Variants in MMP14 observed in about 807,000 individuals in gnomAD.
MMP14 encodes matrix metalloproteinase-14.
Under a neutral mutation model 64.8 loss-of-function variants are expected in MMP14, and 13 were observed. The ratio of observed to expected loss-of-function variants is 0.20; its 90% confidence interval spans 0.13 to 0.32. The LOEUF (loss-of-function observed/expected upper bound fraction) is 0.32. MMP14 is among the 10% of genes least tolerant of loss of function. MMP14 has a pLI of 1.00. For missense variants in MMP14, 594 were observed against 783.8 expected (o/e 0.76, Z 2.89); for synonymous variants, 322 against 315.9 (o/e 1.02, Z -0.20).
chr14:22,842,333 G>A lies in MMP14; in HGVS notation c.381-77G>A. 8.0e-6 allele frequency: 12 copies of A among 1,507,226 alleles called. No homozygotes were observed. Among genetic ancestry groups the A allele is most frequent in the South Asian group, 1.3e-5 (1 of 79,106 alleles). The allele number at this position is 1,507,226 out of a possible 1,614,324, so 93.4% of individuals were successfully genotyped here. On this transcript the variant is annotated intron_variant, in intron 3 of 9. Transcript: ENST00000311852. The surrounding 1 kb of genome is among the most constrained non-coding windows in gnomAD (Gnocchi z 5.3). Reference sequence around the variant, plus strand: ...GGCTGGGCCGCGCAGTCAGACCTGGGAGAGTGCAGGGAAGGAGAATGTTGC... The same window carrying A: ...GGCTGGGCCGCGCAGTCAGACCTGGAAGAGTGCAGGGAAGGAGAATGTTGC...
Position 22,843,189 on chromosome 14 carries a change from T to C in MMP14, c.689-68T>C, listed in dbSNP as rs188899315. On this transcript the variant is annotated intron_variant, in intron 4 of 9. Coordinates refer to ENST00000311852, the MANE Select transcript of MMP14 (RefSeq NM_004995.4). This position sits in a 1 kb window ranked among gnomAD's most constrained non-coding sequence, Gnocchi z 4.8. ...GGCTTGGAGGTGAAACCAAAGCTGCTGGTGGGGAAGCAGGGAGGCTGAGGG... is the reference window on the plus strand; with the variant it reads ...GGCTTGGAGGTGAAACCAAAGCTGCCGGTGGGGAAGCAGGGAGGCTGAGGG... The C allele has an allele frequency of 2.6e-6, 4 of 1,541,166 alleles. No homozygotes were observed. Among genetic ancestry groups the C allele is most frequent in the African/African-American group, 1.4e-5 (1 of 73,146 alleles).
chr14:22,837,157 T>C (rs1377038590), intron 1 of MMP14: 2 of 673,002 alleles, frequency 3.0e-6, no homozygotes, highest in East Asian at 5.7e-5. Flanking sequence ...CCGACTCTCC[T>C]TCCCATTCCT....
Position 22,844,682 on chromosome 14 carries a change from G to A in MMP14, c.1203G>A (p.Lys401=), listed in dbSNP as rs2039799353. The A allele has an allele frequency of 6.2e-7, 1 of 1,614,126 alleles. No homozygotes were observed. Among genetic ancestry groups the A allele is most frequent in the African/African-American group, 1.3e-5 (1 of 75,020 alleles). The change falls in exon 8 of 10, where the codon AAG becomes AAA. Residue 401 remains lysine (K), a synonymous_variant. Transcript: ENST00000311852. The part of the protein sequence containing the change: ...DEASLEPGYP[K]HIKELGRGLP... ...CGTCCCTGGAACCTGGCTACCCCAAGCACATTAAGGAGCTGGGCCGAGGGC... is the reference window on the plus strand; with the variant it reads ...CGTCCCTGGAACCTGGCTACCCCAAACACATTAAGGAGCTGGGCCGAGGGC...
At position 22,846,339 on chromosome 14, in the gene MMP14, TG is replaced by T. The variant is rs2039813518; in HGVS notation, c.*305del. 2.6e-6 allele frequency: 1 copy of T among 378,810 alleles called. No homozygotes were observed. Among genetic ancestry groups the T allele is most frequent in the Non-Finnish European group, 4.7e-6 (1 of 210,860 alleles). 23.5% of individuals were successfully genotyped at this position (378,810 alleles called of 1,614,324 possible). On this transcript the variant is annotated 3_prime_UTR_variant, in exon 10 of 10. Transcript: ENST00000311852. ...TCTGTCCAGCCCCATCTGAATGTGT[TG>T]GGGGCTCTGCACTTGAAGGCAGGAC...
In MMP14 at chr14:22,844,629, G is replaced by T. The variant is rs2039798739; in HGVS notation, c.1151-1G>T. 1 of 1,614,014 alleles carries T rather than the reference G, an allele frequency of 6.2e-7. No individual in the cohort carries two copies. Among genetic ancestry groups the T allele is most frequent in the Non-Finnish European group, 8.5e-7 (1 of 1,180,032 alleles). On this transcript the variant is annotated splice_acceptor_variant, in intron 7 of 9. Transcript: ENST00000311852. LOFTEE classifies it high-confidence loss of function. ...AGACGTTGCCCTCCTGTCCTCCCCA[G>T]GAGACAAGCATTGGGTGTTTGATGA...
In MMP14 at chr14:22,844,795, C is replaced by T. The variant is rs761070941; in HGVS notation, c.1301+15C>T. The T allele has an allele frequency of 1.9e-6, 3 of 1,613,914 alleles. No homozygotes were observed. The highest frequency in any genetic ancestry group is 2.5e-6 in the Non-Finnish European group (3 of 1,179,902). On this transcript the variant is annotated intron_variant, in intron 8 of 9. Transcript: ENST00000311852. ...CGTGGAAACAAGTAAGACCTCAACC[C>T]CTTAACCCCAGGCCTCCCTCAGAAA...
At chr14:22,845,568 T>A in intron 9 of MMP14, 140 bp from the exon 10 acceptor site, 1 of 997,080 alleles carries the variant, frequency 1.0e-6, no homozygotes. Flanking sequence ...AGCACCCCCA[T>A]TTTACAGCTG....
Position 22,841,958 on chromosome 14 carries a change from T to A in MMP14, c.303T>A (p.Ala101=), listed in dbSNP as rs147180062. Reference sequence around the variant, plus strand: ...GTGGTGTTCCAGACAAGTTTGGGGCTGAGATCAAGGCCAATGTTCGAAGGA... The same window carrying A: ...GTGGTGTTCCAGACAAGTTTGGGGCAGAGATCAAGGCCAATGTTCGAAGGA... ...PRCGVPDKFG[A]EIKANVRRKR... The change falls in exon 3 of 10, where the codon GCT becomes GCA. Residue 101 remains alanine, a synonymous_variant. Coordinates refer to ENST00000311852, the MANE Select transcript of MMP14 (RefSeq NM_004995.4). 42 of 1,614,172 alleles carry A rather than the reference T, an allele frequency of 2.6e-5. No individual in the cohort carries two copies. Among genetic ancestry groups the A allele is most frequent in the Admixed American group, 1.2e-4 (7 of 60,030 alleles).
rs934641872 is a variant in MMP14 at position 22,843,035 on chromosome 14, C to T, written c.689-222C>T. Among the ~76,000 whole-genome samples, 7 of 152,156 alleles carry T rather than the reference C, an allele frequency of 4.6e-5. No homozygotes were observed. Among genetic ancestry groups the T allele is most frequent in the Non-Finnish European group, 7.4e-5 (5 of 68,022 alleles). ...CCCTTACCACAGGTCTTCCCGGGAT[C>T]GGGGTCCTGCTTCCAAGCACTCTCT... On this transcript the variant is annotated intron_variant, in intron 4 of 9. Transcript: ENST00000311852. The surrounding 1 kb of genome is among the most constrained non-coding windows in gnomAD (Gnocchi z 4.8).
At position 22,843,946 on chromosome 14, in the gene MMP14, A is replaced by C. The variant is rs978486334; in HGVS notation, c.1011+76A>C. On this transcript the variant is annotated intron_variant, in intron 6 of 9. Coordinates refer to ENST00000311852, the MANE Select transcript of MMP14 (RefSeq NM_004995.4). The surrounding 1 kb of genome is among the most constrained non-coding windows in gnomAD (Gnocchi z 4.8). The stretch of plus-strand genomic sequence containing the variant: ...CATGGTGGCTCATGCCTGTAATCCT[A>C]GCACTTTGAGAGGCCAAGGCAGGTG... 3 of 1,561,644 alleles carry C rather than the reference A, an allele frequency of 1.9e-6. No individual in the cohort carries two copies. The Admixed American group carries it at 6.5e-5, about 34-fold the overall frequency.
rs1842276609 is a variant in MMP14, at chr14:22,836,744, G to GT, written c.-73dup. 1.2e-6 allele frequency: 1 copy of GT among 836,832 alleles called. No homozygotes were observed. The highest frequency in any genetic ancestry group is 1.8e-5 in the African/African-American group (1 of 56,624). The allele number at this position is 836,832 out of a possible 1,614,324, so 51.8% of individuals were successfully genotyped here. On this transcript the variant is annotated 5_prime_UTR_variant, in exon 1 of 10. Transcript: ENST00000311852. ...CCGAAGACAAAGGCGCCCCGAGGGA[G>GT]TGGCGGTGCGACCCCAGGGCGTGGG...
chr14:22,839,655 C>CT (rs1360906744), intron 1 of MMP14, among the ~76,000 whole-genome samples: 1 of 152,194 alleles, frequency 6.6e-6, no homozygotes, highest in Non-Finnish European at 1.5e-5. Flanking sequence ...CTCAGGTCCC[C>CT]AGTCAGCTGC....
In MMP14 at chr14:22,841,535, T is replaced by C. The variant is rs1235067173; in HGVS notation, c.153T>C (p.Arg51=). The C allele has an allele frequency of 2.5e-6, 4 of 1,613,960 alleles. No individual in the cohort carries two copies. Among genetic ancestry groups the C allele is most frequent in the Admixed American group, 1.7e-5 (1 of 59,996 alleles). ...GCTACCTGCCTCCCGGGGACCTACGTACCCACACACAGCGCTCACCCCAGT... is the reference window on the plus strand; with the variant it reads ...GCTACCTGCCTCCCGGGGACCTACGCACCCACACACAGCGCTCACCCCAGT... The part of the protein sequence containing the change: ...QYGYLPPGDL[R]THTQRSPQSL... Residue 51 remains arginine (R), a synonymous_variant, in exon 2 of 10, where the codon CGT becomes CGC. Transcript: ENST00000311852.
intron 1 of MMP14, 154 bp downstream of exon 1, chr14:22,837,079 G>T (rs758066674): frequency 7.1e-6 from 5 of 704,760 alleles, no homozygotes; most frequent in Admixed American, 2.2e-5. Flanking sequence ...TTTCCTCTTC[G>T]TCTCCAAACT....
rs1451641010 is a variant in MMP14 at position 22,846,349 on chromosome 14, G to C, written c.*310G>C. On this transcript the variant is annotated 3_prime_UTR_variant, in exon 10 of 10. Coordinates refer to ENST00000311852, the MANE Select transcript of MMP14 (RefSeq NM_004995.4). Reference sequence around the variant, plus strand: ...CCCATCTGAATGTGTTGGGGGCTCTGCACTTGAAGGCAGGACCCTCAGACC... The same window carrying C: ...CCCATCTGAATGTGTTGGGGGCTCTCCACTTGAAGGCAGGACCCTCAGACC... 2 of 349,852 alleles carry C rather than the reference G, an allele frequency of 5.7e-6. No homozygotes were observed. Among genetic ancestry groups the C allele is most frequent in the East Asian group, 9.4e-5 (2 of 21,344 alleles). 21.7% of individuals were successfully genotyped at this position (349,852 alleles called of 1,614,324 possible). A position where few individuals can be genotyped will look rare whatever the true frequency, so the allele number is the denominator to read the frequency against.
chr14:22,845,892 C>T lies in MMP14; in HGVS notation c.1602C>T (p.Gly534=), dbSNP rs1595016658. 3.7e-6 allele frequency: 6 copies of T among 1,613,058 alleles called. No homozygotes were observed. The East Asian group carries it at 6.7e-5, about 18-fold the overall frequency. ...VIIIEVDEEG[G]GAVSAAAVVL... ...TCATTGAGGTGGACGAGGAGGGCGGCGGGGCGGTGAGCGCGGCTGCCGTGG... is the reference window on the plus strand; with the variant it reads ...TCATTGAGGTGGACGAGGAGGGCGGTGGGGCGGTGAGCGCGGCTGCCGTGG... Residue 534 remains glycine, a synonymous_variant, in exon 10 of 10, where the codon GGC becomes GGT. Transcript: ENST00000311852.
rs752976604 is a variant in MMP14 at position 22,841,484 on chromosome 14, C to T, written c.109-7C>T. Reference sequence around the variant, plus strand: ...GGACACTCTAAGCCATACCCCTTTCCCTACAGGCCTGGCTACAGCAATATG... The same window carrying T: ...GGACACTCTAAGCCATACCCCTTTCTCTACAGGCCTGGCTACAGCAATATG... On this transcript the variant is annotated splice_polypyrimidine_tract_variant and splice_region_variant and intron_variant, in intron 1 of 9. Transcript: ENST00000311852. The T allele has an allele frequency of 6.2e-7, 1 of 1,613,318 alleles. No homozygotes were observed.
In MMP14 at chr14:22,843,285, C is replaced by A; in HGVS notation, c.717C>A (p.His239Gln). 6.2e-7 allele frequency: 1 copy of A among 1,613,926 alleles called. No individual in the cohort carries two copies. Among genetic ancestry groups the A allele is most frequent in the Non-Finnish European group, 8.5e-7 (1 of 1,179,926 alleles). ...ATGACATCTTCCTGGTGGCTGTGCA[C>A]GAGCTGGGCCATGCCCTGGGGCTCG... ...NGNDIFLVAV[H>Q]ELGHALGLEH... Residue 239 changes from histidine (H) to glutamine (Q), a missense_variant, in exon 5 of 10, where the codon CAC becomes CAA. Transcript: ENST00000311852. This position sits in a 1 kb window ranked among gnomAD's most constrained non-coding sequence, Gnocchi z 4.8.
chr14:22,839,091 G>A (rs943829625), intron 1 of MMP14, among the ~76,000 whole-genome samples: 2 of 152,176 alleles, frequency 1.3e-5, no homozygotes, highest in Admixed American at 1.3e-4. Context: ...CTGTCGTTCT[G>A]TCTTCTCCCC....
Sources: allele counts gnomAD v4.1 joint callset (sites outside exome capture counted in the v4.1 genomes callset), GRCh38; gene constraint gnomAD v4.1.1; non-coding constraint Gnocchi (gnomAD v3.1); transcripts MANE v1.5; gene names NCBI Gene and HGNC (gene_info 2026-07-23, HGNC 2026-07-21).